KATNAL2: variants seen among roughly 807,000 people sequenced by gnomAD.
The protein encoded by KATNAL2 is katanin catalytic subunit A1 like 2.
KATNAL2 carries 52 observed loss-of-function variants against 76.3 expected under a neutral mutation model. That is an observed-to-expected ratio of 0.68 (90% CI 0.55 to 0.86). The LOEUF (loss-of-function observed/expected upper bound fraction) is 0.86, where lower values mean the gene tolerates loss of function less well. Ranked by LOEUF, KATNAL2 falls within the 40% of genes least tolerant of loss-of-function variation. The pLI is 0.00. For missense variants in KATNAL2, 660 were observed against 668.9 expected (o/e 0.99, Z 0.15); for synonymous variants, 243 against 244.2 (o/e 1.00, Z 0.05).
chr18:47,097,793 G>A (rs2063313469), intron 15 of KATNAL2, among the ~76,000 whole-genome samples: 1 of 152,172 alleles, frequency 6.6e-6, no homozygotes, highest in African/African-American at 2.4e-5. Context: ...GTGAACTTGT[G>A]TCATGGGGGT....
At chr18:47,097,033 C>T (rs957112204) in intron 15 of KATNAL2, among the ~76,000 whole-genome samples, 2 of 149,492 alleles carry the variant, frequency 1.3e-5, no homozygotes, top group African/African-American at 2.5e-5. Context: ...GCAGAAGGAT[C>T]GCTTGAGTCC....
chr18:47,032,957 A>G, intron 3 of KATNAL2: 1 of 1,613,214 alleles, frequency 6.2e-7, no homozygotes, highest in South Asian at 1.1e-5. Context: ...TGACTTTGCC[A>G]ATGCAAAAAT....
Position 47,075,291 on chromosome 18 carries a change from T to G in KATNAL2, c.1023T>G (p.Leu341=), listed in dbSNP as rs1267626053. Residue 341 remains leucine (L), a synonymous_variant, in exon 14 of 18, where the codon CTT becomes CTG. Coordinates refer to ENST00000683218, the MANE Select transcript of KATNAL2 (RefSeq NM_001387690.1). ...CCCCCACCCAGGTGTTATTTGAGCT[T>G]GCCCGCTACCACGCCCCATCCACGA... is the stretch of plus-strand genomic sequence containing the variant. ...SEKLVRVLFE[L]ARYHAPSTIF... is the part of the protein sequence containing the mutation. 6.4e-7 allele frequency: 1 copy of G among 1,557,546 alleles called. No homozygotes were observed. Among genetic ancestry groups the G allele is most frequent in the African/African-American group, 1.4e-5 (1 of 71,118 alleles).
At chr18:47,064,886 T>C (rs1213107875) in intron 10 of KATNAL2, among the ~76,000 whole-genome samples, 1 of 152,166 alleles carries the variant, frequency 6.6e-6, no homozygotes, top group Non-Finnish European at 1.5e-5. Flanking sequence ...AAGGAGAAAC[T>C]GTCAGTTGGG....
Position 46,917,711 on chromosome 18 carries a change from G to T in KATNAL2, c.-725G>T. 3.2e-6 allele frequency: 1 copy of T among 309,374 alleles called. No individual in the cohort carries two copies. The highest frequency in any genetic ancestry group is 4.7e-6 in the Non-Finnish European group (1 of 211,218). The allele number at this position is 309,374 out of a possible 1,614,324, so 19.2% of individuals were successfully genotyped here. The stretch of plus-strand genomic sequence containing the variant: ...TCCCTCCCCGGCGGAGGCCCCTGCG[G>T]ACTGCCTAGAGCTGGGTCGCAACTG... On this transcript the variant is annotated 5_prime_UTR_variant, in exon 1 of 18. Coordinates refer to ENST00000683218, the MANE Select transcript of KATNAL2 (RefSeq NM_001387690.1).
chr18:47,051,000 G>C (rs936982604), intron 4 of KATNAL2, among the ~76,000 whole-genome samples: 1 of 152,212 alleles, frequency 6.6e-6, no homozygotes, highest in Non-Finnish European at 1.5e-5. Flanking sequence ...CATGGATGCT[G>C]GTTCTTCTAT....
chr18:47,099,935 C>G (rs1227105278), intron 16 of KATNAL2, among the ~76,000 whole-genome samples: 1 of 152,130 alleles, frequency 6.6e-6, no homozygotes, highest in Non-Finnish European at 1.5e-5. Flanking sequence ...AATAAACGTG[C>G]CTACCAAATT....
At chr18:46,960,543 CA>C in intron 3 of KATNAL2, among the ~76,000 whole-genome samples, 1 of 151,894 alleles carries the variant, frequency 6.6e-6, no homozygotes, top group Non-Finnish European at 1.5e-5. Flanking sequence ...AGGAGCTATG[CA>C]AAAAAAGAGC....
intron 1 of KATNAL2, among the ~76,000 whole-genome samples, chr18:46,933,806 A>T (rs1321687271): frequency 1.8e-5 from 2 of 111,704 alleles, no homozygotes; most frequent in Non-Finnish European, 3.6e-5. Context: ...CCCACCCCAT[A>T]ACAGTCCCCG....
At chr18:46,939,509 G>A (rs2059186007) in intron 1 of KATNAL2, among the ~76,000 whole-genome samples, 1 of 152,074 alleles carries the variant, frequency 6.6e-6, no homozygotes, top group Non-Finnish European at 1.5e-5. Context: ...TATTCATCGT[G>A]TGCCAGGCAT....
chr18:46,921,131 C>T (rs1208726515), intron 1 of KATNAL2, among the ~76,000 whole-genome samples: 1 of 151,960 alleles, frequency 6.6e-6, no homozygotes, highest in Admixed American at 6.6e-5. Context: ...TTTTTTGTTT[C>T]TGTTTTTGCT....
intron 8 of KATNAL2, among the ~76,000 whole-genome samples, chr18:47,060,834 C>T (rs1232917794): frequency 2.0e-5 from 3 of 152,208 alleles, no homozygotes; most frequent in African/African-American, 7.2e-5. Context: ...GGAATCAACA[C>T]CTCCCTTGGA....
chr18:46,957,049 A>AG (rs896047763), intron 3 of KATNAL2, among the ~76,000 whole-genome samples: 23 of 151,600 alleles, frequency 1.5e-4, no homozygotes, highest in Middle Eastern at 6.8e-3. Flanking sequence ...AAAAAAAAAA[A>AG]AAAAAGAAAA....
chr18:47,084,573 G>A (rs1405772651), intron 15 of KATNAL2: 6 of 588,456 alleles, frequency 1.0e-5, no homozygotes, highest in African/African-American at 1.9e-5. Context: ...TGTGGGCCAG[G>A]TGCAGTGGCT....
At chr18:46,932,298 A>G (rs989828218) in intron 1 of KATNAL2, among the ~76,000 whole-genome samples, 1 of 152,220 alleles carries the variant, frequency 6.6e-6, no homozygotes, top group African/African-American at 2.4e-5. Flanking sequence ...TTCTGCAGAA[A>G]TTTTAAAATA....
intron 1 of KATNAL2, among the ~76,000 whole-genome samples, chr18:46,931,832 C>T (rs901888220): frequency 6.6e-6 from 1 of 151,774 alleles, no homozygotes; most frequent in Middle Eastern, 3.4e-3. Flanking sequence ...GAGACCAATA[C>T]AGTTAAAGTG....
chr18:46,919,238 G>GCA (rs1362185962), intron 1 of KATNAL2, among the ~76,000 whole-genome samples: 4 of 151,900 alleles, frequency 2.6e-5, no homozygotes, highest in African/African-American at 7.3e-5. Context: ...CTAAATTCCA[G>GCA]CACTTTGGGA....
chr18:46,932,673 C>CAAAAA lies in KATNAL2; in HGVS notation c.-509-13364_-509-13360dup, dbSNP rs1162695359. Among the ~76,000 whole-genome samples the CAAAAA allele has an allele frequency of 7.4e-3, 319 of 42,858 alleles. 15 individuals are homozygous for CAAAAA. Among genetic ancestry groups the CAAAAA allele is most frequent in the African/African-American group, 0.027 (300 of 11,096 alleles). 28.1% of individuals were successfully genotyped at this position (42,858 alleles called of 152,430 possible). A position where few individuals can be genotyped will look rare whatever the true frequency, so the allele number is the denominator to read the frequency against. Reference sequence around the variant, plus strand: ...TGGGCAACAGAGCAAGACTCTGTCTCAAAAAAAAAAAAAAAAAAAAAAAAG... The same window carrying CAAAAA: ...TGGGCAACAGAGCAAGACTCTGTCTCAAAAAAAAAAAAAAAAAAAAAAAAAAAAAG... On this transcript the variant is annotated intron_variant, in intron 1 of 17. Coordinates refer to ENST00000683218, the MANE Select transcript of KATNAL2 (RefSeq NM_001387690.1).
chr18:46,933,946 T>C lies in KATNAL2; in HGVS notation c.-509-12111T>C, dbSNP rs1450596386. Among the ~76,000 whole-genome samples the C allele has an allele frequency of 2.7e-5, 4 of 150,222 alleles. No homozygotes were observed. In the East Asian group the frequency reaches 7.9e-4, roughly 30 times the overall value. On this transcript the variant is annotated intron_variant, in intron 1 of 17. Coordinates refer to ENST00000683218, the MANE Select transcript of KATNAL2 (RefSeq NM_001387690.1). ...GTTTGCTGAGAATGATGGTTTCCAG[T>C]TTCATCCATGTCCCTACAAAGGACA...
Sources: gnomAD v4.1 joint callset for allele counts (sites outside exome capture counted in the v4.1 genomes callset) on GRCh38, gnomAD v4.1.1 for gene constraint, MANE v1.5 for transcripts, NCBI Gene and HGNC (gene_info 2026-07-23, HGNC 2026-07-21) for gene names.